Variants in ADGRB3 observed in about 807,000 individuals in gnomAD.
ADGRB3 encodes adhesion G protein-coupled receptor B3.
Under a neutral mutation model 193.4 loss-of-function variants are expected in ADGRB3, and 37 were observed. That is an observed-to-expected ratio of 0.19 (90% CI 0.15 to 0.25). ADGRB3 has a LOEUF of 0.25. Among genes scored for constraint, ADGRB3 ranks in the 10% least tolerant of loss-of-function variants. The pLI, the probability that ADGRB3 is intolerant of heterozygous loss-of-function variation, is 1.00. For synonymous variants in ADGRB3, 690 were observed against 644.2 expected (o/e 1.07, Z -1.08); for missense variants, 1,637 against 1,852.9 (o/e 0.88, Z 2.14).
At chr6:68,938,245 T>C (rs535667144) in intron 5 of ADGRB3, among the ~76,000 whole-genome samples, 1 of 151,658 alleles carries the variant, frequency 6.6e-6, no homozygotes, top group South Asian at 2.1e-4. Context: ...AGAAAAAATG[T>C]TTAAGGAGTT....
At chr6:68,726,221 A>T (rs1463877215) in intron 3 of ADGRB3, among the ~76,000 whole-genome samples, 1 of 151,668 alleles carries the variant, frequency 6.6e-6, no homozygotes, top group African/African-American at 2.4e-5. Flanking sequence ...ATCTAAAAGT[A>T]TATAAACCTG....
intron 4 of ADGRB3, among the ~76,000 whole-genome samples, chr6:68,934,776 A>G (rs907293207): frequency 3.3e-5 from 5 of 152,198 alleles, no homozygotes; most frequent in African/African-American, 1.2e-4. Flanking sequence ...AATGATTTTC[A>G]ATCTTGATAG....
At chr6:69,183,314 G>A (rs1764981159) in intron 17 of ADGRB3, among the ~76,000 whole-genome samples, 1 of 152,040 alleles carries the variant, frequency 6.6e-6, no homozygotes, top group South Asian at 2.1e-4. Context: ...AAATTGCCCT[G>A]CACTATACAA....
chr6:68,966,646 G>A (rs551702551), intron 8 of ADGRB3, among the ~76,000 whole-genome samples: 2 of 152,188 alleles, frequency 1.3e-5, no homozygotes, highest in East Asian at 3.9e-4. Context: ...CTTCCCTAAG[G>A]TACTCCCAGA....
chr6:69,092,243 T>C lies in ADGRB3; in HGVS notation c.2480+16205T>C, dbSNP rs560418548. 8.4e-4 allele frequency among the ~76,000 whole-genome samples: 128 copies of C among 152,346 alleles called. 1 individual carries two copies. Among genetic ancestry groups the C allele is most frequent in the African/African-American group, 3.0e-3 (125 of 41,578 alleles). ...TCTTTACCCTTCTTCAAGGTCAATG[T>C]CTTGCCTAAAGGAGTACCAGAAACA... On this transcript the variant is annotated intron_variant, in intron 17 of 31. Transcript: ENST00000370598.
chr6:68,926,594 T>C (rs1300831785), intron 3 of ADGRB3, among the ~76,000 whole-genome samples: 1 of 152,178 alleles, frequency 6.6e-6, no homozygotes, highest in Non-Finnish European at 1.5e-5. Context: ...TGAGGATGAC[T>C]TCAGTGGACA....
At chr6:69,004,959 T>A (rs1769703462) in intron 11 of ADGRB3, among the ~76,000 whole-genome samples, 1 of 152,150 alleles carries the variant, frequency 6.6e-6, no homozygotes, top group Non-Finnish European at 1.5e-5. Flanking sequence ...AAACTTGTGA[T>A]GTGTGCAGGC....
At chr6:69,326,003 A>T (rs187440579) in intron 21 of ADGRB3, among the ~76,000 whole-genome samples, 1 of 152,116 alleles carries the variant, frequency 6.6e-6, no homozygotes, top group African/African-American at 2.4e-5. Context: ...TGGGTGGACT[A>T]CCTGAGCGCG....
intron 20 of ADGRB3, among the ~76,000 whole-genome samples, chr6:69,283,657 A>G (rs1319209793): frequency 6.6e-6 from 1 of 152,082 alleles, no homozygotes; most frequent in Non-Finnish European, 1.5e-5. Flanking sequence ...AAAAAAAGCC[A>G]TAACTAGCAG....
chr6:68,958,405 A>G (rs538007994), intron 8 of ADGRB3, among the ~76,000 whole-genome samples: 96 of 152,298 alleles, frequency 6.3e-4, no homozygotes, highest in South Asian at 5.8e-3. Context: ...TTCACAGAAT[A>G]GTAAGCATAA....
At chr6:69,132,512 C>T (rs1392573265) in intron 17 of ADGRB3, among the ~76,000 whole-genome samples, 1 of 151,746 alleles carries the variant, frequency 6.6e-6, no homozygotes, top group African/African-American at 2.4e-5. Context: ...TTCCTTGTGG[C>T]TTCTGGATAT....
At chr6:69,369,910 C>T (rs1035645121) in intron 29 of ADGRB3, among the ~76,000 whole-genome samples, 1 of 152,038 alleles carries the variant, frequency 6.6e-6, no homozygotes, top group Non-Finnish European at 1.5e-5. Context: ...AGTTAACCTG[C>T]TTGACCTTGC....
chr6:68,891,943 C>G (rs1263105047), intron 3 of ADGRB3, among the ~76,000 whole-genome samples: 1 of 152,184 alleles, frequency 6.6e-6, no homozygotes, highest in Non-Finnish European at 1.5e-5. Context: ...TCTGCTAGAG[C>G]AGCACTGTTC....
chr6:68,732,462 A>T (rs1765792322), intron 3 of ADGRB3, among the ~76,000 whole-genome samples: 1 of 152,004 alleles, frequency 6.6e-6, no homozygotes, highest in Non-Finnish European at 1.5e-5. Flanking sequence ...ACAATTTGAA[A>T]TTCAGAAATA....
chr6:68,655,945 T>TGAAG, intron 3 of ADGRB3, among the ~76,000 whole-genome samples: 1 of 151,660 alleles, frequency 6.6e-6, no homozygotes, highest in African/African-American at 2.4e-5. Context: ...TATATTTACT[T>TGAAG]TAATTGGTAA....
At chr6:68,670,395 T>C (rs1269910589) in intron 3 of ADGRB3, among the ~76,000 whole-genome samples, 1 of 152,014 alleles carries the variant, frequency 6.6e-6, no homozygotes, top group African/African-American at 2.4e-5. Flanking sequence ...AGTTTCATAG[T>C]TTGAGGTCTT....
intron 3 of ADGRB3, among the ~76,000 whole-genome samples, chr6:68,909,490 A>T (rs1412413269): frequency 6.6e-6 from 1 of 152,198 alleles, no homozygotes; most frequent in Non-Finnish European, 1.5e-5. Flanking sequence ...ATTCCACAGA[A>T]ATGTAAATAA....
At chr6:69,333,093 T>G (rs927488292) in intron 24 of ADGRB3, 85 bp downstream of exon 24, 15 of 1,428,254 alleles carry the variant, frequency 1.1e-5, no homozygotes, top group African/African-American at 1.4e-5. Flanking sequence ...TGCGTTTGAC[T>G]CTGCCTTGAA....
chr6:69,115,944 CA>C (rs892203977), intron 17 of ADGRB3, among the ~76,000 whole-genome samples: 9 of 152,218 alleles, frequency 5.9e-5, no homozygotes, highest in African/African-American at 2.2e-4. Context: ...AAGACAAAAG[CA>C]TTTTAAGGAA....
Sources: gnomAD v4.1 joint callset for allele counts (sites outside exome capture counted in the v4.1 genomes callset) on GRCh38, gnomAD v4.1.1 for gene constraint, MANE v1.5 for transcripts, NCBI Gene and HGNC (gene_info 2026-07-23, HGNC 2026-07-21) for gene names.